SYBU: variants seen among roughly 807,000 people sequenced by gnomAD.
SYBU encodes the protein GOLSYN A protein.
SYBU carries 21 observed loss-of-function variants against 35.9 expected under a neutral mutation model. That is an observed-to-expected ratio of 0.58 (90% CI 0.41 to 0.84). The LOEUF (loss-of-function observed/expected upper bound fraction) is 0.84, where lower values mean the gene tolerates loss of function less well. Ranked by LOEUF, SYBU falls within the 40% of genes least tolerant of loss-of-function variation. The probability of loss-of-function intolerance (pLI) is 0.00; values close to 1 mark genes in which losing one functional copy is unlikely to be tolerated. For missense variants in SYBU, 768 were observed against 848.2 expected (o/e 0.91, Z 1.17); for synonymous variants, 319 against 324.3 (o/e 0.98, Z 0.18).
At position 109,574,207 on chromosome 8, in the gene SYBU, T is replaced by A. The variant is rs1821957696; in HGVS notation, c.*699A>T. 1 of 152,566 alleles carries A rather than the reference T, an allele frequency of 6.6e-6. No individual in the cohort carries two copies. 9.5% of individuals were successfully genotyped at this position (152,566 alleles called of 1,614,324 possible). On this transcript the variant is annotated 3_prime_UTR_variant, in exon 7 of 7. Transcript: ENST00000276646. ...TTTTATGGGAGGATAAAACATTTAT[T>A]TAAATGGAAACACTAATCTTTATTT...
chr8:109,665,867 C>T (rs1816734937), intron 1 of SYBU, among the ~76,000 whole-genome samples: 1 of 152,204 alleles, frequency 6.6e-6, no homozygotes, highest in South Asian at 2.1e-4. Flanking sequence ...TATACCAATA[C>T]TTACCAAATG....
At chr8:109,673,075 A>C (rs920045624) in intron 1 of SYBU, among the ~76,000 whole-genome samples, 6 of 152,122 alleles carry the variant, frequency 3.9e-5, no homozygotes, top group Non-Finnish European at 8.8e-5. Flanking sequence ...CGGACAGAGC[A>C]CCTGGGGGAA....
Position 109,690,025 on chromosome 8 carries a change from TATG to T in SYBU, c.-58+1305_-58+1307del, listed in dbSNP as rs201089059. 6.2e-3 allele frequency among the ~76,000 whole-genome samples: 943 copies of T among 152,232 alleles called. 14 individuals are homozygous for T. Among genetic ancestry groups the T allele is most frequent in the Admixed American group, 0.021 (325 of 15,286 alleles). On this transcript the variant is annotated intron_variant, in intron 1 of 7. Transcript: ENST00000422135. ...ATGCATACAATTACTTAGTTTCAATTATGATATCACCTTAAAGACTATTAAATA... is the reference window on the plus strand; with the variant it reads ...ATGCATACAATTACTTAGTTTCAATTATATCACCTTAAAGACTATTAAATA...
intron 3 of SYBU, among the ~76,000 whole-genome samples, chr8:109,616,137 G>A (rs1480128226): frequency 6.7e-6 from 1 of 149,176 alleles, no homozygotes; most frequent in Admixed American, 6.7e-5. Flanking sequence ...TCAGCCTCCT[G>A]AGTAGCTGGG....
chr8:109,679,589 C>G (rs1044500333), intron 1 of SYBU, among the ~76,000 whole-genome samples: 1 of 152,188 alleles, frequency 6.6e-6, no homozygotes, highest in Admixed American at 6.5e-5. Flanking sequence ...GCTATTACAC[C>G]TAAGTGACCT....
chr8:109,616,587 C>G (rs1209657713), intron 3 of SYBU, among the ~76,000 whole-genome samples: 1 of 151,808 alleles, frequency 6.6e-6, no homozygotes, highest in Non-Finnish European at 1.5e-5. Flanking sequence ...GTATTGCCAT[C>G]ACCATAAAAT....
intron 4 of SYBU, chr8:109,585,607 G>C (rs531026638): frequency 6.4e-6 from 1 of 157,150 alleles, no homozygotes; most frequent in African/African-American, 2.4e-5. Flanking sequence ...GGTAAATGCT[G>C]GGAGTGGTCA....
intron 1 of SYBU, among the ~76,000 whole-genome samples, chr8:109,687,728 A>G (rs916451905): frequency 6.6e-6 from 1 of 152,178 alleles, no homozygotes; most frequent in Non-Finnish European, 1.5e-5. Flanking sequence ...GAACTGGCAA[A>G]GCATATGGAC....
intron 1 of SYBU, among the ~76,000 whole-genome samples, chr8:109,666,175 C>G (rs112970052): frequency 6.6e-6 from 1 of 152,180 alleles, no homozygotes. Flanking sequence ...ACTTGACCAA[C>G]GTGGATGTGG....
intron 1 of SYBU, among the ~76,000 whole-genome samples, chr8:109,673,523 T>C (rs768428446): frequency 5.9e-5 from 9 of 151,960 alleles, no homozygotes; most frequent in South Asian, 2.1e-4. Context: ...AAAAACACCA[T>C]ACAAGAATCA....
At chr8:109,609,760 T>C (rs929766539) in intron 3 of SYBU, among the ~76,000 whole-genome samples, 2 of 152,086 alleles carry the variant, frequency 1.3e-5, no homozygotes, top group African/African-American at 4.8e-5. Context: ...CAAGACACTG[T>C]CTCTCTAAAA....
At chr8:109,599,432 C>T (rs912607355) in intron 3 of SYBU, among the ~76,000 whole-genome samples, 5 of 152,204 alleles carry the variant, frequency 3.3e-5, no homozygotes, top group African/African-American at 4.8e-5. Flanking sequence ...AGATTCTTGA[C>T]TCATACTCCA....
chr8:109,607,164 CAT>C (rs1403471218), intron 3 of SYBU, among the ~76,000 whole-genome samples: 1 of 152,156 alleles, frequency 6.6e-6, no homozygotes, highest in Non-Finnish European at 1.5e-5. Flanking sequence ...TAAGATGACT[CAT>C]GTGTTTTACA....
chr8:109,652,164 G>A (rs1426989729), intron 1 of SYBU, among the ~76,000 whole-genome samples: 1 of 152,214 alleles, frequency 6.6e-6, no homozygotes, highest in Non-Finnish European at 1.5e-5. Context: ...TATTCAGTGT[G>A]TTTGCATGAG....
chr8:109,592,331 A>G (rs1053155212), intron 3 of SYBU, among the ~76,000 whole-genome samples: 1 of 152,178 alleles, frequency 6.6e-6, no homozygotes, highest in African/African-American at 2.4e-5. Flanking sequence ...TGTGTGTACA[A>G]TAAGATGTTT....
Position 109,575,330 on chromosome 8 carries a change from T to C in SYBU, c.1568A>G (p.Glu523Gly), listed in dbSNP as rs901793182. The change falls in exon 7 of 7, where the codon GAG (glutamate) becomes GGG (glycine). Residue 523 changes from glutamate (E) to glycine (G), a missense_variant. Coordinates refer to ENST00000276646, the MANE Select transcript of SYBU (RefSeq NM_001099754.2). ...PCPSSLASPD[E>G]SEPDSMESFP... ...GCTCTCCATCGAGTCTGGTTCAGAC[T>C]CATCAGGGGACGCCAAGCTCGAGGG... 1 of 1,614,072 alleles carries C rather than the reference T, an allele frequency of 6.2e-7. No individual in the cohort carries two copies. The highest frequency in any genetic ancestry group is 1.3e-5 in the African/African-American group (1 of 74,924).
intron 3 of SYBU, among the ~76,000 whole-genome samples, chr8:109,594,169 G>A (rs546538309): frequency 1.3e-5 from 2 of 152,314 alleles, no homozygotes; most frequent in South Asian, 4.1e-4. Flanking sequence ...GGTGCTGGGT[G>A]CGGAGCAGGG....
intron 1 of SYBU, among the ~76,000 whole-genome samples, chr8:109,650,679 G>A (rs992875462): frequency 6.6e-6 from 1 of 152,148 alleles, no homozygotes; most frequent in African/African-American, 2.4e-5. Flanking sequence ...CCTCTCTAAC[G>A]CACTGCAGAA....
intron 1 of SYBU, among the ~76,000 whole-genome samples, chr8:109,669,138 C>T (rs748694007): frequency 4.6e-4 from 70 of 151,642 alleles, no homozygotes; most frequent in Admixed American, 3.9e-4. Flanking sequence ...GTCAGGAGAA[C>T]GAGACCATCC....
Sources: allele counts gnomAD v4.1 joint callset (sites outside exome capture counted in the v4.1 genomes callset), GRCh38; gene constraint gnomAD v4.1.1; transcripts MANE v1.5; gene names NCBI Gene and HGNC (gene_info 2026-07-23, HGNC 2026-07-21).